UBE2E3: variants seen among roughly 807,000 people sequenced by gnomAD.
The protein encoded by UBE2E3 is ubiquitin conjugating enzyme E2 E3.
UBE2E3 carries 5 observed loss-of-function variants against 23.6 expected under a neutral mutation model. That is an observed-to-expected ratio of 0.21 (90% confidence interval 0.11 to 0.44). The LOEUF is 0.44. Ranked by LOEUF, UBE2E3 falls within the 20% of genes least tolerant of loss-of-function variation. UBE2E3 has a pLI of 0.99. For missense variants in UBE2E3, 81 were observed against 249.8 expected, an observed-to-expected ratio of 0.32 and a Z score of 4.55; for synonymous variants, 78 against 87.5, an observed-to-expected ratio of 0.89 and a Z score of 0.60.
chr2:181,057,026 T>A (rs1415570971), intron 3 of UBE2E3, among the ~76,000 whole-genome samples: 1 of 151,706 alleles, frequency 6.6e-6, no homozygotes, highest in African/African-American at 2.4e-5. Context: ...TGATGAGCAT[T>A]TTTTAAAAAA....
intron 3 of UBE2E3, among the ~76,000 whole-genome samples, chr2:181,018,864 C>G (rs1038109997): frequency 3.9e-5 from 6 of 152,116 alleles, no homozygotes; most frequent in African/African-American, 1.4e-4. Flanking sequence ...AAACAATTAC[C>G]TGAGTTGGAT....
intron 3 of UBE2E3, among the ~76,000 whole-genome samples, chr2:181,035,762 T>A (rs922573553): frequency 6.6e-6 from 1 of 152,220 alleles, no homozygotes; most frequent in South Asian, 2.1e-4. Context: ...ATTCTTTTTT[T>A]AGTGTGGACA....
rs1442502979 is a variant in UBE2E3 at position 180,980,909 on chromosome 2, G to A, written c.-90G>A. Reference sequence around the variant, plus strand: ...AGCTGCCTCCATTTCCTTAAGGAAGGGTTTTTTTCTCTCTCCCTCCCCCAC... The same window carrying A: ...AGCTGCCTCCATTTCCTTAAGGAAGAGTTTTTTTCTCTCTCCCTCCCCCAC... On this transcript the variant is annotated 5_prime_UTR_variant, in exon 1 of 6. Transcript: ENST00000410062. This position sits in a 1 kb window ranked among gnomAD's most constrained non-coding sequence, Gnocchi z 5.5. 1 of 148,344 alleles carries A rather than the reference G, an allele frequency of 6.7e-6. No homozygotes were observed. Among genetic ancestry groups the A allele is most frequent in the Non-Finnish European group, 1.5e-5 (1 of 66,310 alleles). 9.2% of individuals were successfully genotyped at this position (148,344 alleles called of 1,614,324 possible).
At chr2:180,991,854 C>T (rs750533055) in intron 3 of UBE2E3, among the ~76,000 whole-genome samples, 24 of 152,050 alleles carry the variant, frequency 1.6e-4, no homozygotes, top group Admixed American at 3.3e-4. Flanking sequence ...GAGATTTCAT[C>T]GTGCTACTTA....
intron 3 of UBE2E3, among the ~76,000 whole-genome samples, chr2:181,004,768 A>G (rs1685094760): frequency 6.6e-6 from 1 of 152,270 alleles, no homozygotes. Context: ...CTAAGGCATC[A>G]TAGCCTCCTA....
intron 3 of UBE2E3, among the ~76,000 whole-genome samples, chr2:180,984,331 T>C (rs1241576510): frequency 6.6e-6 from 1 of 152,214 alleles, no homozygotes; most frequent in Non-Finnish European, 1.5e-5. Context: ...CTGATATTCA[T>C]ATGAATGGTG....
chr2:181,060,864 T>G, intron 5 of UBE2E3, 52 bp downstream of exon 5: 5 of 83,916 alleles, frequency 6.0e-5, no homozygotes, highest in Non-Finnish European at 5.3e-5. Context: ...ACGAGTGCTT[T>G]TTTTTTTTTT....
chr2:181,049,715 G>GT (rs1173217441), intron 3 of UBE2E3, among the ~76,000 whole-genome samples: 3 of 151,920 alleles, frequency 2.0e-5, no homozygotes, highest in Non-Finnish European at 4.4e-5. Flanking sequence ...AGATGCCATA[G>GT]TTTTTTTACT....
chr2:181,059,517 T>C (rs2105482401), intron 4 of UBE2E3, among the ~76,000 whole-genome samples: 1 of 151,926 alleles, frequency 6.6e-6, no homozygotes, highest in East Asian at 1.9e-4. Flanking sequence ...ATTTTAATAC[T>C]ATATTAGTTA....
Position 181,054,794 on chromosome 2 carries a change from C to T in UBE2E3, c.246-2899C>T, listed in dbSNP as rs548349250. ...GGAGCCGTAAAACTGCATAAGATAACCAAAACAGTATATGTAGGTAGAAAA... is the reference window on the plus strand; with the variant it reads ...GGAGCCGTAAAACTGCATAAGATAATCAAAACAGTATATGTAGGTAGAAAA... On this transcript the variant is annotated intron_variant, in intron 3 of 5. Transcript: ENST00000410062. Among the ~76,000 whole-genome samples the T allele has an allele frequency of 4.0e-5, 6 of 151,648 alleles. No individual in the cohort carries two copies. In the South Asian group the frequency reaches 1.2e-3, roughly 32 times the overall value.
chr2:181,013,636 G>T (rs956896001), intron 3 of UBE2E3, among the ~76,000 whole-genome samples: 27 of 152,146 alleles, frequency 1.8e-4, no homozygotes, highest in Non-Finnish European at 1.5e-5. Flanking sequence ...CTGATGACTG[G>T]GTTTCAAGAG....
At chr2:181,045,304 G>C (rs1022282434) in intron 3 of UBE2E3, among the ~76,000 whole-genome samples, 1 of 152,164 alleles carries the variant, frequency 6.6e-6, no homozygotes, top group Non-Finnish European at 1.5e-5. Context: ...AGGCTGGCAT[G>C]CCCCTGGCTG....
At chr2:181,032,787 C>G (rs1686124474) in intron 3 of UBE2E3, among the ~76,000 whole-genome samples, 1 of 151,942 alleles carries the variant, frequency 6.6e-6, no homozygotes, top group South Asian at 2.1e-4. Context: ...TTATCAAACA[C>G]TGTCTCAGCC....
chr2:181,043,515 C>A (rs1686576679), intron 3 of UBE2E3, among the ~76,000 whole-genome samples: 1 of 152,066 alleles, frequency 6.6e-6, no homozygotes, highest in Non-Finnish European at 1.5e-5. Context: ...CCCAGTATAT[C>A]TCATTATGTA....
chr2:181,010,352 T>G (rs1685283181), intron 3 of UBE2E3, among the ~76,000 whole-genome samples: 1 of 152,292 alleles, frequency 6.6e-6, no homozygotes, highest in African/African-American at 2.4e-5. Flanking sequence ...ATTATTTTTT[T>G]GGGAAGGATT....
intron 5 of UBE2E3, among the ~76,000 whole-genome samples, chr2:181,062,148 G>C (rs1687174305): frequency 6.6e-6 from 1 of 151,556 alleles, no homozygotes; most frequent in African/African-American, 2.4e-5. Context: ...AGAAACTTCT[G>C]AGCAGTTGGA....
chr2:181,043,098 A>T (rs911630961), intron 3 of UBE2E3, among the ~76,000 whole-genome samples: 18 of 152,366 alleles, frequency 1.2e-4, no homozygotes, highest in African/African-American at 3.6e-4. Context: ...ATTGTTTTAA[A>T]TAAAAGTATA....
rs1206207155 is a variant in UBE2E3 at position 181,041,234 on chromosome 2, C to CAAAA, written c.246-16443_246-16440dup. Among the ~76,000 whole-genome samples, 112 of 77,138 alleles carry CAAAA rather than the reference C, an allele frequency of 1.5e-3. 6 individuals carry two copies. Among genetic ancestry groups the CAAAA allele is most frequent in the Admixed American group, 2.8e-3 (17 of 6,002 alleles). 50.6% of individuals were successfully genotyped at this position (77,138 alleles called of 152,430 possible). On this transcript the variant is annotated intron_variant, in intron 3 of 5. Transcript: ENST00000410062. ...CTAACGACAGAGCAAGACTCCGTCT[C>CAAAA]AAAAAAAAAAAAAAAAAAAGATAGA...
chr2:181,025,362 A>G (rs1484700670), intron 3 of UBE2E3, among the ~76,000 whole-genome samples: 1 of 151,234 alleles, frequency 6.6e-6, no homozygotes, highest in African/African-American at 2.4e-5. Flanking sequence ...TGTAATTTTC[A>G]CAGTGTCATA....
Sources: allele counts gnomAD v4.1 joint callset (sites outside exome capture counted in the v4.1 genomes callset), GRCh38; gene constraint gnomAD v4.1.1; non-coding constraint Gnocchi (gnomAD v3.1); transcripts MANE v1.5; gene names NCBI Gene and HGNC (gene_info 2026-07-23, HGNC 2026-07-21).